The following FGF12 variants were observed in gnomAD, a reference collection of about 807,000 sequenced individuals.
The protein encoded by FGF12 is fibroblast growth factor 12.
In FGF12, 14 loss-of-function variants were observed where a neutral mutation model predicts 23.6. That is an observed-to-expected ratio of 0.59 (90% CI 0.39 to 0.93). FGF12 has a LOEUF of 0.93. Ranked by LOEUF, FGF12 falls within the 40% of genes least tolerant of loss-of-function variation. FGF12 has a pLI of 0.00. For synonymous variants in FGF12, 62 were observed against 77.3 expected, an observed-to-expected ratio of 0.80 and a Z score of 1.04; for missense variants, 175 against 217.8, an observed-to-expected ratio of 0.80 and a Z score of 1.24.
chr3:192,698,176 A>G (rs185608779), intron 2 of FGF12, among the ~76,000 whole-genome samples: 3 of 152,322 alleles, frequency 2.0e-5, no homozygotes, highest in East Asian at 3.9e-4. Flanking sequence ...GAATTAACAA[A>G]TCAATATTTT....
intron 2 of FGF12, among the ~76,000 whole-genome samples, chr3:192,537,420 G>GAGT (rs1439282414): frequency 6.6e-6 from 1 of 152,056 alleles, no homozygotes; most frequent in Non-Finnish European, 1.5e-5. Context: ...TTCCCACCAA[G>GAGT]AGTGTACAAG....
intron 4 of FGF12, among the ~76,000 whole-genome samples, chr3:192,264,157 C>A (rs116042747): frequency 6.6e-6 from 1 of 152,042 alleles, no homozygotes; most frequent in Non-Finnish European, 1.5e-5. Context: ...CAGAGTATTC[C>A]GATTTGTTTT....
At chr3:192,698,385 GC>G (rs1161933969) in intron 2 of FGF12, among the ~76,000 whole-genome samples, 4 of 152,102 alleles carry the variant, frequency 2.6e-5, no homozygotes, top group African/African-American at 9.7e-5. Context: ...GTTTATACAG[GC>G]CCTTTCCTAG....
intron 3 of FGF12, among the ~76,000 whole-genome samples, chr3:192,357,208 G>T (rs1238094425): frequency 6.6e-6 from 1 of 152,174 alleles, no homozygotes; most frequent in African/African-American, 2.4e-5. Context: ...GTGGGGCCAG[G>T]CACGGTGACT....
intron 5 of FGF12, among the ~76,000 whole-genome samples, chr3:192,169,473 G>T (rs1715416632): frequency 6.6e-6 from 1 of 152,148 alleles, no homozygotes; most frequent in Non-Finnish European, 1.5e-5. Context: ...TCCAGTGCTT[G>T]GAACATTGGA....
chr3:192,722,197 C>T (rs1032978306), intron 2 of FGF12, among the ~76,000 whole-genome samples: 4 of 152,160 alleles, frequency 2.6e-5, no homozygotes, highest in Non-Finnish European at 5.9e-5. Context: ...TACACCATGA[C>T]AGGTGGAGTA....
intron 2 of FGF12, among the ~76,000 whole-genome samples, chr3:192,498,361 G>C (rs575813881): frequency 6.6e-6 from 1 of 152,298 alleles, no homozygotes; most frequent in East Asian, 1.9e-4. Flanking sequence ...GCTTAAGTGA[G>C]CTTTTACTAT....
chr3:192,249,107 T>C (rs1711830944), intron 4 of FGF12, among the ~76,000 whole-genome samples: 1 of 152,174 alleles, frequency 6.6e-6, no homozygotes, highest in Non-Finnish European at 1.5e-5. Flanking sequence ...GCTATGTAAA[T>C]GCAGCCCACT....
intron 4 of FGF12, among the ~76,000 whole-genome samples, chr3:192,190,758 A>T (rs2108647217): frequency 6.6e-6 from 1 of 151,624 alleles, no homozygotes; most frequent in East Asian, 1.9e-4. Flanking sequence ...TACAGGCGTG[A>T]GCCACCGCGC....
chr3:192,322,701 C>G (rs1200316202), intron 4 of FGF12, among the ~76,000 whole-genome samples: 1 of 152,084 alleles, frequency 6.6e-6, no homozygotes, highest in East Asian at 1.9e-4. Flanking sequence ...ATTCGTACCT[C>G]TACAGAGAAC....
chr3:192,144,654 C>T (rs1713592933), intron 5 of FGF12, among the ~76,000 whole-genome samples: 1 of 152,176 alleles, frequency 6.6e-6, no homozygotes, highest in African/African-American at 2.4e-5. Context: ...GACTGCCCTA[C>T]ATTTAGCTAA....
At chr3:192,616,234 A>G (rs1184115721) in intron 2 of FGF12, among the ~76,000 whole-genome samples, 1 of 152,068 alleles carries the variant, frequency 6.6e-6, no homozygotes, top group Non-Finnish European at 1.5e-5. Flanking sequence ...GAGAAGTTTC[A>G]AAATCACTTA....
At chr3:192,510,607 G>A (rs1724439827) in intron 2 of FGF12, among the ~76,000 whole-genome samples, 1 of 152,160 alleles carries the variant, frequency 6.6e-6, no homozygotes, top group African/African-American at 2.4e-5. Flanking sequence ...TCCAATAGCT[G>A]TGCTCCTTGA....
At chr3:192,508,943 T>G (rs1382957680) in intron 2 of FGF12, among the ~76,000 whole-genome samples, 1 of 152,148 alleles carries the variant, frequency 6.6e-6, no homozygotes, top group Admixed American at 6.6e-5. Context: ...AAACTGAGAC[T>G]CCTAATTACT....
intron 2 of FGF12, among the ~76,000 whole-genome samples, chr3:192,652,680 G>T (rs1264074715): frequency 6.6e-6 from 1 of 152,146 alleles, no homozygotes; most frequent in Non-Finnish European, 1.5e-5. Flanking sequence ...AACTCTGAGG[G>T]TAGGGCCCAG....
chr3:192,290,950 G>A (rs1233834782), intron 4 of FGF12, among the ~76,000 whole-genome samples: 2 of 151,882 alleles, frequency 1.3e-5, no homozygotes, highest in Admixed American at 6.6e-5. Context: ...CACATACATC[G>A]AAAAACATCT....
intron 2 of FGF12, among the ~76,000 whole-genome samples, chr3:192,484,141 T>G (rs1054756717): frequency 7.9e-5 from 12 of 151,790 alleles, no homozygotes; most frequent in Admixed American, 3.3e-4. Flanking sequence ...TCTATTTTGG[T>G]CTTGAATCAA....
intron 2 of FGF12, among the ~76,000 whole-genome samples, chr3:192,540,385 T>G (rs2108576218): frequency 1.3e-5 from 2 of 152,252 alleles, no homozygotes; most frequent in South Asian, 4.1e-4. Flanking sequence ...CTTTTTCATT[T>G]CTTCTTTGGC....
chr3:192,378,087 TTTCTTTC>T (rs1209496689), intron 2 of FGF12, among the ~76,000 whole-genome samples: 3 of 123,538 alleles, frequency 2.4e-5, no homozygotes, highest in East Asian at 2.5e-4. Context: ...TCTTTCTTTC[TTTCTTTC>T]TTCTTTCTTT....
Sources: gnomAD v4.1 joint callset for allele counts (sites outside exome capture counted in the v4.1 genomes callset) on GRCh38, gnomAD v4.1.1 for gene constraint, MANE v1.5 for transcripts, NCBI Gene and HGNC (gene_info 2026-07-23, HGNC 2026-07-21) for gene names.